ROBO2: variants seen among roughly 807,000 people sequenced by gnomAD.
The protein encoded by ROBO2 is roundabout guidance receptor 2.
ROBO2 carries 53 observed loss-of-function variants against 160.8 expected under a neutral mutation model. That is an observed-to-expected ratio of 0.33 (90% CI 0.26 to 0.41). The LOEUF (loss-of-function observed/expected upper bound fraction) is 0.41, where lower values mean the gene tolerates loss of function less well. Among genes scored for constraint, ROBO2 ranks in the 10% least tolerant of loss-of-function variants. ROBO2 has a pLI of 1.00. For missense variants in ROBO2, 1,577 were observed against 1,722.4 expected (o/e 0.92, Z 1.49); for synonymous variants, 664 against 611.7 (o/e 1.09, Z -1.26).
At chr3:76,656,535 A>G (rs905778599) in intron 2 of ROBO2, among the ~76,000 whole-genome samples, 2 of 152,114 alleles carry the variant, frequency 1.3e-5, no homozygotes, top group African/African-American at 4.8e-5. Flanking sequence ...TCCAAAATTG[A>G]CAAGTAGAAG....
chr3:76,182,718 A>G (rs1279317043), intron 2 of ROBO2, among the ~76,000 whole-genome samples: 3 of 152,154 alleles, frequency 2.0e-5, no homozygotes, highest in Non-Finnish European at 4.4e-5. Context: ...CAGGAGGCGC[A>G]AATTAGAGAT....
intron 2 of ROBO2, among the ~76,000 whole-genome samples, chr3:76,750,195 C>T (rs531488295): frequency 1.3e-5 from 2 of 152,130 alleles, no homozygotes; most frequent in East Asian, 3.9e-4. Context: ...AAAGAAAAAA[C>T]CACATGATTA....
At chr3:77,484,880 G>A (rs369700569) in intron 4 of ROBO2, among the ~76,000 whole-genome samples, 1 of 151,774 alleles carries the variant, frequency 6.6e-6, no homozygotes, top group Non-Finnish European at 1.5e-5. Flanking sequence ...TACTATTTTT[G>A]TTCTTCTTTG....
At chr3:77,203,160 A>T (rs1449542320) in intron 2 of ROBO2, among the ~76,000 whole-genome samples, 3 of 152,234 alleles carry the variant, frequency 2.0e-5, no homozygotes, top group Admixed American at 2.0e-4. Context: ...AGTTCCAAAT[A>T]TGCTTAAAGA....
intron 4 of ROBO2, among the ~76,000 whole-genome samples, chr3:77,490,485 G>T (rs547256230): frequency 1.1e-4 from 17 of 152,160 alleles, no homozygotes; most frequent in Admixed American, 5.2e-4. Context: ...TTATTTAGAT[G>T]ATTTGTAATT....
chr3:77,369,531 G>T (rs1428033791), intron 2 of ROBO2, among the ~76,000 whole-genome samples: 1 of 152,142 alleles, frequency 6.6e-6, no homozygotes. Flanking sequence ...CACTTCTGAG[G>T]CAAGTTGCAT....
chr3:76,309,399 T>C (rs2107773946), intron 2 of ROBO2, among the ~76,000 whole-genome samples: 1 of 152,374 alleles, frequency 6.6e-6, no homozygotes, highest in South Asian at 2.1e-4. Flanking sequence ...ACAGGGTGAT[T>C]ATTGTTTCTA....
chr3:75,961,113 TTAAATC>T (rs1374734208), intron 2 of ROBO2, among the ~76,000 whole-genome samples: 7 of 151,802 alleles, frequency 4.6e-5, no homozygotes, highest in Middle Eastern at 3.4e-3. Context: ...TTTCTGATCC[TTAAATC>T]CAGAAACTGG....
At chr3:76,455,799 G>A (rs762031476) in intron 2 of ROBO2, among the ~76,000 whole-genome samples, 55 of 152,102 alleles carry the variant, frequency 3.6e-4, no homozygotes, top group East Asian at 1.9e-4. Flanking sequence ...CAGTGTCCAC[G>A]TTGACTCATC....
intron 2 of ROBO2, among the ~76,000 whole-genome samples, chr3:76,595,597 A>T (rs1416265164): frequency 2.0e-5 from 3 of 152,110 alleles, no homozygotes; most frequent in African/African-American, 7.2e-5. Flanking sequence ...CGTGATCTTT[A>T]AAAAATTACA....
At chr3:77,015,007 C>G (rs1422754071) in intron 2 of ROBO2, among the ~76,000 whole-genome samples, 2 of 151,726 alleles carry the variant, frequency 1.3e-5, no homozygotes, top group Non-Finnish European at 2.9e-5. Flanking sequence ...CTTTCTGAAT[C>G]ATATTGTTCC....
At chr3:76,446,355 G>A (rs1185503939) in intron 2 of ROBO2, among the ~76,000 whole-genome samples, 5 of 152,258 alleles carry the variant, frequency 3.3e-5, no homozygotes, top group Non-Finnish European at 7.4e-5. Flanking sequence ...ACCTCTTCAA[G>A]GAGAACTACA....
rs145678647 is a variant in ROBO2 at position 77,336,234 on chromosome 3, T to C, written c.389-141180T>C. On this transcript the variant is annotated intron_variant, in intron 2 of 25. Coordinates refer to ENST00000461745, the Ensembl canonical transcript of ROBO2. Reference sequence around the variant, plus strand: ...ATAAAGAGCCAGGCTTTTGGGTGCATGGTGTACAGAGTATCACATCATGGA... The same window carrying C: ...ATAAAGAGCCAGGCTTTTGGGTGCACGGTGTACAGAGTATCACATCATGGA... 1.6e-3 allele frequency among the ~76,000 whole-genome samples: 251 copies of C among 152,260 alleles called. 2 individuals carry two copies. Among genetic ancestry groups the C allele is most frequent in the Non-Finnish European group, 2.0e-3 (138 of 68,014 alleles).
chr3:76,008,678 A>G (rs537618192), intron 2 of ROBO2, among the ~76,000 whole-genome samples: 2 of 152,208 alleles, frequency 1.3e-5, no homozygotes, highest in East Asian at 3.9e-4. Context: ...TTGAATACCT[A>G]TTGTAAGAAG....
At chr3:76,700,642 T>G (rs761622519) in intron 2 of ROBO2, among the ~76,000 whole-genome samples, 1 of 152,148 alleles carries the variant, frequency 6.6e-6, no homozygotes, top group Non-Finnish European at 1.5e-5. Context: ...TGGAAACTGC[T>G]TCCTTTGAGG....
chr3:77,101,958 C>T lies in ROBO2; in HGVS notation c.388+3618C>T, dbSNP rs1023473284. On this transcript the variant is annotated intron_variant, in intron 2 of 25. Coordinates refer to ENST00000461745, the Ensembl canonical transcript of ROBO2. The stretch of plus-strand genomic sequence containing the variant: ...AGGAGGCTGAGGCAGGAGAATCACT[C>T]GAACCCAGGAGGCAGAGGTGGCAGT... Among the ~76,000 whole-genome samples, 12 of 152,052 alleles carry T rather than the reference C, an allele frequency of 7.9e-5. No individual in the cohort carries two copies. The South Asian group carries it at 1.5e-3, about 18-fold the overall frequency.
intron 2 of ROBO2, among the ~76,000 whole-genome samples, chr3:76,795,442 G>A (rs1432602212): frequency 6.6e-5 from 10 of 152,048 alleles, no homozygotes; most frequent in Non-Finnish European, 2.9e-5. Context: ...TATTCTAAAT[G>A]CTTTGTTATC....
At chr3:76,711,388 C>T (rs2093290877) in intron 2 of ROBO2, among the ~76,000 whole-genome samples, 1 of 152,142 alleles carries the variant, frequency 6.6e-6, no homozygotes, top group Non-Finnish European at 1.5e-5. Flanking sequence ...TCCCCTGACA[C>T]GTGGGGATTA....
intron 2 of ROBO2, among the ~76,000 whole-genome samples, chr3:76,250,556 T>G (rs1705929052): frequency 6.6e-6 from 1 of 152,038 alleles, no homozygotes; most frequent in South Asian, 2.1e-4. Flanking sequence ...GGAACCCATC[T>G]GACATGTGCT....
Sources: allele counts gnomAD v4.1 joint callset (sites outside exome capture counted in the v4.1 genomes callset), GRCh38; gene constraint gnomAD v4.1.1; transcripts MANE v1.5; gene names NCBI Gene and HGNC (gene_info 2026-07-23, HGNC 2026-07-21).